TNRC6B: variants seen among roughly 807,000 people sequenced by gnomAD.
TNRC6B encodes the protein trinucleotide repeat-containing gene 6B protein.
Under a neutral mutation model 203.6 loss-of-function variants are expected in TNRC6B, and 52 were observed. The observed-to-expected ratio is 0.26, with a 90% CI of 0.20 to 0.32. The LOEUF is 0.32. Ranked by LOEUF, TNRC6B falls within the 10% of genes least tolerant of loss-of-function variation. The pLI, the probability that TNRC6B is intolerant of heterozygous loss-of-function variation, is 1.00. For missense variants in TNRC6B, 1,923 were observed against 2,286.2 expected (o/e 0.84, Z 3.24); for synonymous variants, 838 against 845.7 (o/e 0.99, Z 0.16).
intron 12 of TNRC6B, among the ~76,000 whole-genome samples, chr22:40,293,335 A>G (rs2070894750): frequency 6.6e-6 from 1 of 151,810 alleles, no homozygotes; most frequent in Admixed American, 6.6e-5. Context: ...TTGGAACTAC[A>G]GCTGCCAGCC....
intron 1 of TNRC6B, among the ~76,000 whole-genome samples, chr22:40,220,058 A>G (rs1176766406): frequency 6.6e-6 from 1 of 152,224 alleles, no homozygotes; most frequent in Non-Finnish European, 1.5e-5. Flanking sequence ...TTTATTAGCA[A>G]CAAATTATGA....
At chr22:40,206,262 A>C (rs930044108) in intron 1 of TNRC6B, among the ~76,000 whole-genome samples, 4 of 152,154 alleles carry the variant, frequency 2.6e-5, no homozygotes, top group African/African-American at 4.8e-5. Flanking sequence ...ATGATTGGGT[A>C]CTGTTTCTAA....
intron 4 of TNRC6B, among the ~76,000 whole-genome samples, chr22:40,169,951 A>G (rs897355398): frequency 2.0e-5 from 3 of 152,230 alleles, no homozygotes; most frequent in African/African-American, 7.2e-5. Flanking sequence ...GCTACAAGTA[A>G]CTAATTCATA....
chr22:40,230,100 C>G (rs915461324), intron 1 of TNRC6B, among the ~76,000 whole-genome samples: 4 of 152,066 alleles, frequency 2.6e-5, no homozygotes, highest in Admixed American at 2.0e-4. Context: ...TTTGTTAATT[C>G]TTGGAATGGT....
chr22:40,243,165 G>T (rs1444596526), intron 1 of TNRC6B, among the ~76,000 whole-genome samples: 2 of 152,004 alleles, frequency 1.3e-5, no homozygotes, highest in African/African-American at 4.8e-5. Flanking sequence ...CACCGCAACC[G>T]GCCTGGATTT....
chr22:40,255,990 C>T (rs1431571783), intron 3 of TNRC6B, among the ~76,000 whole-genome samples: 3 of 152,114 alleles, frequency 2.0e-5, no homozygotes, highest in Non-Finnish European at 4.4e-5. Context: ...GTAGTTGGGA[C>T]TACAGGCACA....
intron 4 of TNRC6B, among the ~76,000 whole-genome samples, chr22:40,170,921 A>G (rs189848258): frequency 2.1e-5 from 3 of 143,872 alleles, no homozygotes; most frequent in African/African-American, 5.1e-5. Context: ...ATATGTGTGT[A>G]TATATACACC....
intron 1 of TNRC6B, among the ~76,000 whole-genome samples, chr22:40,115,284 A>C (rs892750124): frequency 6.6e-6 from 1 of 152,192 alleles, no homozygotes; most frequent in Non-Finnish European, 1.5e-5. Context: ...TAAGCGGGAA[A>C]CTTTAATCAG....
At chr22:40,095,999 C>G (rs761703914) in intron 1 of TNRC6B, among the ~76,000 whole-genome samples, 1 of 152,132 alleles carries the variant, frequency 6.6e-6, no homozygotes, top group Non-Finnish European at 1.5e-5. Context: ...TGTAGCTCCT[C>G]TGTACCCCTC....
At position 40,210,693 on chromosome 22, in the gene TNRC6B, T is replaced by C. The variant is rs116279408; in HGVS notation, c.5+32553T>C. Among the ~76,000 whole-genome samples, 302 of 152,366 alleles carry C rather than the reference T, an allele frequency of 2.0e-3. 1 individual carries two copies. The highest frequency in any genetic ancestry group is 7.1e-3 in the African/African-American group (294 of 41,584). ...ACTGGCTTCAGAAACTATTAACATATTGTTGGTAGCAAACATTCATTGATA... is the reference window on the plus strand; with the variant it reads ...ACTGGCTTCAGAAACTATTAACATACTGTTGGTAGCAAACATTCATTGATA... On this transcript the variant is annotated intron_variant, in intron 1 of 22. Coordinates refer to ENST00000454349, the MANE Select transcript of TNRC6B (RefSeq NM_001162501.2).
rs747825899 is a variant in TNRC6B, at chr22:40,315,971, C to T, written c.4933C>T (p.Arg1645Cys). 32 of 1,613,740 alleles carry T rather than the reference C, an allele frequency of 2.0e-5. 2 individuals are homozygous for T. In the South Asian group the frequency reaches 2.2e-4, roughly 11 times the overall value. Residue 1645 changes from arginine (R) to cysteine (C), a missense_variant, in exon 21 of 23, where the codon CGT (arginine) becomes TGT (cysteine). Arg to Cys is a radical substitution (Grantham distance 180). Transcript: ENST00000454349. Reference protein sequence around the residue: ...ASTWSDGGSVRPSYWLVLHNL... With the variant: ...ASTWSDGGSVCPSYWLVLHNL... Reference sequence around the variant, plus strand: ...TACCTGGAGTGATGGTGGCTCAGTTCGTCCTAGTTACTGGCTGGTTCTTCA... The same window carrying T: ...TACCTGGAGTGATGGTGGCTCAGTTTGTCCTAGTTACTGGCTGGTTCTTCA...
At chr22:40,225,462 C>T (rs373534185) in intron 1 of TNRC6B, among the ~76,000 whole-genome samples, 1 of 152,184 alleles carries the variant, frequency 6.6e-6, no homozygotes, top group Non-Finnish European at 1.5e-5. Context: ...GGTGCAGTGG[C>T]TCACGCCAGT....
chr22:40,200,278 CTTTTTTTTTTT>C (rs59067007), intron 1 of TNRC6B, among the ~76,000 whole-genome samples: 4 of 75,510 alleles, frequency 5.3e-5, no homozygotes, highest in East Asian at 4.6e-4. Flanking sequence ...AAGTAATATT[CTTTTTTTTTTT>C]TTTTTTTTTT....
At position 40,266,834 on chromosome 22, in the gene TNRC6B, G is replaced by A; in HGVS notation, c.2604G>A (p.Lys868=). 1 of 1,613,984 alleles carries A rather than the reference G, an allele frequency of 6.2e-7. No individual in the cohort carries two copies. The highest frequency in any genetic ancestry group is 8.5e-7 in the Non-Finnish European group (1 of 1,179,870). Residue 868 remains lysine, a synonymous_variant, in exon 5 of 23, where the codon AAG becomes AAA. Transcript: ENST00000454349. ...GCGGGCCACAGCCTGCAACACCTAA[G>A]GATGAGGAACCCAGTGGTTGGGAAG... ...WSSGPQPATP[K]DEEPSGWEEP...
intron 1 of TNRC6B, among the ~76,000 whole-genome samples, chr22:40,229,079 T>C (rs1047840607): frequency 3.3e-5 from 5 of 152,170 alleles, no homozygotes; most frequent in African/African-American, 1.2e-4. Flanking sequence ...TTTGGTTCAA[T>C]TGCCTTATAA....
chr22:40,177,594 G>A (rs924794341), upstream of TNRC6B, among the ~76,000 whole-genome samples: 1 of 152,146 alleles, frequency 6.6e-6, no homozygotes, highest in East Asian at 1.9e-4. Context: ...GCCTGTGCTT[G>A]CCCAAACATC....
rs147462384 is a variant in TNRC6B, at chr22:40,251,163, T to A, written c.94-16T>A. 2.8e-4 allele frequency: 436 copies of A among 1,532,666 alleles called. 1 individual carries two copies. The highest frequency in any genetic ancestry group is 3.6e-4 in the Non-Finnish European group (413 of 1,136,790). 94.9% of individuals were successfully genotyped at this position (1,532,666 alleles called of 1,614,324 possible). On this transcript the variant is annotated splice_polypyrimidine_tract_variant and intron_variant, in intron 2 of 22. Coordinates refer to ENST00000454349, the MANE Select transcript of TNRC6B (RefSeq NM_001162501.2). Reference sequence around the variant, plus strand: ...AAAAAGCAAATCTCATTTACTTTTATCTGTTTATTTTGCAGGTCACGGAAC... The same window carrying A: ...AAAAAGCAAATCTCATTTACTTTTAACTGTTTATTTTGCAGGTCACGGAAC...
chr22:40,099,155 C>G (rs2068211493), intron 1 of TNRC6B, among the ~76,000 whole-genome samples: 1 of 151,136 alleles, frequency 6.6e-6, no homozygotes, highest in African/African-American at 2.4e-5. Context: ...GAGGCTGAGG[C>G]AGGAGAATTG....
intron 4 of TNRC6B, among the ~76,000 whole-genome samples, chr22:40,170,752 CAT>C (rs1215077164): frequency 1.1e-4 from 13 of 120,734 alleles, no homozygotes; most frequent in African/African-American, 2.6e-4. Context: ...TATATATGTA[CAT>C]ATATGTGTGT....
Sources: gnomAD v4.1 joint callset for allele counts (sites outside exome capture counted in the v4.1 genomes callset) on GRCh38, gnomAD v4.1.1 for gene constraint, MANE v1.5 for transcripts, NCBI Gene and HGNC (gene_info 2026-07-23, HGNC 2026-07-21) for gene names.